Variants in ASCC1 observed in about 807,000 individuals in gnomAD.
ASCC1 encodes activating signal cointegrator 1 complex subunit 1.
Under a neutral mutation model 46.6 loss-of-function variants are expected in ASCC1, and 35 were observed. That is an observed-to-expected ratio of 0.75 (90% confidence interval 0.57 to 0.99). ASCC1 has a LOEUF of 0.99. Ranked by LOEUF, ASCC1 falls within the 50% of genes least tolerant of loss-of-function variation. The probability of loss-of-function intolerance (pLI) is 0.00; values close to 1 mark genes in which losing one functional copy is unlikely to be tolerated. For missense variants in ASCC1, 376 were observed against 428.7 expected (o/e 0.88, Z 1.09); for synonymous variants, 143 against 146.6 (o/e 0.98, Z 0.18).
At chr10:72,170,774 C>T (rs781229325) in intron 5 of ASCC1, among the ~76,000 whole-genome samples, 12 of 151,914 alleles carry the variant, frequency 7.9e-5, no homozygotes, top group Admixed American at 2.0e-4. Context: ...AAAATTTGAA[C>T]GTGGATGGTA....
rs758679377 is a variant in ASCC1 at position 72,097,212 on chromosome 10, G to C, written c.*122C>G. The C allele has an allele frequency of 3.8e-6, 3 of 783,132 alleles. No individual in the cohort carries two copies. The allele number at this position is 783,132 out of a possible 1,614,324, so 48.5% of individuals were successfully genotyped here. ...CATTAGAGGCAATGGTGAATCTATG[G>C]GGAACCACCCAGGAAAGTCACCATC... On this transcript the variant is annotated 3_prime_UTR_variant, in exon 10 of 10. Coordinates refer to ENST00000672957, the MANE Select transcript of ASCC1 (RefSeq NM_001198800.3).
intron 5 of ASCC1, among the ~76,000 whole-genome samples, chr10:72,168,036 A>C (rs1162441706): frequency 6.6e-6 from 1 of 152,052 alleles, no homozygotes; most frequent in Non-Finnish European, 1.5e-5. Flanking sequence ...TAAAAATACA[A>C]AAAAACTAGC....
At chr10:72,207,991 A>T (rs1049973759) in intron 3 of ASCC1, among the ~76,000 whole-genome samples, 4 of 151,496 alleles carry the variant, frequency 2.6e-5, no homozygotes, top group African/African-American at 7.3e-5. Flanking sequence ...TATTTTTTTT[A>T]TTTTTATTTT....
chr10:72,161,961 A>C (rs1340935352), intron 5 of ASCC1, among the ~76,000 whole-genome samples: 3 of 152,192 alleles, frequency 2.0e-5, no homozygotes, highest in African/African-American at 7.2e-5. Context: ...TGACACCAAA[A>C]ACATGGACGA....
At chr10:72,102,514 T>C (rs1252334932) in intron 9 of ASCC1, 2 of 926,528 alleles carry the variant, frequency 2.2e-6, no homozygotes, top group African/African-American at 3.3e-5. Flanking sequence ...AATGAACCTT[T>C]TTTGTCTATG....
At chr10:72,150,980 G>A (rs1488468184) in intron 7 of ASCC1, among the ~76,000 whole-genome samples, 3 of 152,158 alleles carry the variant, frequency 2.0e-5, no homozygotes, top group South Asian at 2.1e-4. Context: ...AAATAGGAAC[G>A]CTTTTACACT....
At chr10:72,188,734 A>G (rs1420508173) in intron 5 of ASCC1, among the ~76,000 whole-genome samples, 1 of 152,126 alleles carries the variant, frequency 6.6e-6, no homozygotes, top group Non-Finnish European at 1.5e-5. Context: ...CTTATTATGT[A>G]TCAAGTACCA....
chr10:72,152,883 T>G lies in ASCC1; in HGVS notation c.732A>C (p.Lys244Asn). 6.2e-7 allele frequency: 1 copy of G among 1,614,180 alleles called. No homozygotes were observed. The highest frequency in any genetic ancestry group is 8.5e-7 in the Non-Finnish European group (1 of 1,180,020). The part of the protein sequence containing the change: ...VDVLYAKVHM[K>N]DGSNRLQELV... ...CAGAAATATACCTGTTGGAGCCATC[T>G]TTCATATGGACTTTGGCGTAAAGAA... is the stretch of plus-strand genomic sequence containing the variant. Residue 244 changes from lysine (K) to asparagine (N), a missense_variant, in exon 7 of 10, where the codon AAA becomes AAC. Coordinates refer to ENST00000672957, the MANE Select transcript of ASCC1 (RefSeq NM_001198800.3).
At chr10:72,123,334 G>A (rs112000290) in intron 9 of ASCC1, among the ~76,000 whole-genome samples, 8 of 142,504 alleles carry the variant, frequency 5.6e-5, no homozygotes, top group African/African-American at 1.3e-4. Context: ...GCAAGACTCC[G>A]TCTCAAAAAA....
chr10:72,216,757 C>T (rs932379376), upstream of ASCC1: 3 of 453,952 alleles, frequency 6.6e-6, no homozygotes, highest in South Asian at 3.1e-5. Context: ...TCGGACACAG[C>T]AATCTGTGTC....
chr10:72,149,984 G>A (rs752345693), intron 7 of ASCC1, among the ~76,000 whole-genome samples: 32 of 151,944 alleles, frequency 2.1e-4, no homozygotes, highest in African/African-American at 9.7e-5. Context: ...TCAGGGGTTC[G>A]AGACCAGCCT....
Position 72,097,001 on chromosome 10 carries a change from G to T in ASCC1, c.*333C>A, listed in dbSNP as rs965033040. On this transcript the variant is annotated 3_prime_UTR_variant, in exon 10 of 10. Transcript: ENST00000672957. ...GGCGGTGACGGCCACACAGCATTAT[G>T]AATGTATTAACAGTTAACGTTACTG... The T allele has an allele frequency of 4.6e-5, 21 of 457,648 alleles. No individual in the cohort carries two copies. In the Admixed American group the frequency reaches 4.9e-4, roughly 11 times the overall value. The allele number at this position is 457,648 out of a possible 1,614,324, so 28.3% of individuals were successfully genotyped here.
intron 6 of ASCC1, among the ~76,000 whole-genome samples, chr10:72,160,168 T>C (rs888948545): frequency 2.6e-5 from 4 of 152,112 alleles, no homozygotes; most frequent in Non-Finnish European, 4.4e-5. Context: ...CCTCCCAAAG[T>C]GCTGGGATTA....
At chr10:72,195,139 G>GTTTTTTTTTTTTTT (rs142672810) in intron 5 of ASCC1, among the ~76,000 whole-genome samples, 12 of 61,020 alleles carry the variant, frequency 2.0e-4, no homozygotes, top group Non-Finnish European at 2.6e-4. Context: ...TTTTTGCTGT[G>GTTTTTTTTTTTTTT]TTTTTTTTTT....
intron 7 of ASCC1, among the ~76,000 whole-genome samples, chr10:72,150,188 AAAAAAAAAAG>A (rs1848160137): frequency 1.3e-5 from 2 of 151,958 alleles, no homozygotes; most frequent in South Asian, 4.2e-4. Flanking sequence ...TCTGTCTCAA[AAAAAAAAAAG>A]AAAAATCTGG....
At chr10:72,167,975 G>A (rs1850578084) in intron 5 of ASCC1, among the ~76,000 whole-genome samples, 1 of 152,132 alleles carries the variant, frequency 6.6e-6, no homozygotes, top group African/African-American at 2.4e-5. Flanking sequence ...GGGATCACGA[G>A]GTCAGGAGAT....
chr10:72,198,460 G>A, intron 4 of ASCC1: 1 of 439,806 alleles, frequency 2.3e-6, no homozygotes, highest in Non-Finnish European at 4.5e-6. Flanking sequence ...TGTAATCCCA[G>A]CACTCTGGGG....
intron 4 of ASCC1, among the ~76,000 whole-genome samples, chr10:72,197,578 G>A (rs1158053867): frequency 4.6e-5 from 7 of 151,392 alleles, no homozygotes; most frequent in Non-Finnish European, 8.8e-5. Context: ...GTAAAATGGT[G>A]TAGTCACTAT....
chr10:72,124,624 G>A (rs373294546), intron 9 of ASCC1, among the ~76,000 whole-genome samples: 1 of 151,974 alleles, frequency 6.6e-6, no homozygotes, highest in East Asian at 1.9e-4. Context: ...TTTACTTCTA[G>A]CTAGTGAGGG....
Sources: allele counts gnomAD v4.1 joint callset (sites outside exome capture counted in the v4.1 genomes callset), GRCh38; gene constraint gnomAD v4.1.1; transcripts MANE v1.5; gene names NCBI Gene and HGNC (gene_info 2026-07-23, HGNC 2026-07-21).